ADGRL3: variants seen among roughly 807,000 people sequenced by gnomAD.
The protein encoded by ADGRL3 is calcium-independent alpha-latrotoxin receptor 3.
Under a neutral mutation model 153.5 loss-of-function variants are expected in ADGRL3, and 62 were observed. The observed-to-expected ratio is 0.40, with a 90% CI of 0.33 to 0.50. The LOEUF is 0.50. Among genes scored for constraint, ADGRL3 ranks in the 20% least tolerant of loss-of-function variants. The pLI is 0.47. For missense variants in ADGRL3, 1,641 were observed against 1,859.4 expected (o/e 0.88, Z 2.16); for synonymous variants, 710 against 672.5 (o/e 1.06, Z -0.86).
At chr4:61,464,100 A>G (rs1308491445) in intron 2 of ADGRL3, among the ~76,000 whole-genome samples, 1 of 152,188 alleles carries the variant, frequency 6.6e-6, no homozygotes, top group African/African-American at 2.4e-5. Flanking sequence ...ATAAAACTTT[A>G]TTTACAAAAA....
chr4:61,974,595 G>T (rs557399810), intron 17 of ADGRL3, among the ~76,000 whole-genome samples: 6 of 152,184 alleles, frequency 3.9e-5, no homozygotes, highest in Admixed American at 1.3e-4. Context: ...ATATCCTGAA[G>T]CCTCAGTTAT....
chr4:61,969,316 T>C (rs941275979), intron 17 of ADGRL3, among the ~76,000 whole-genome samples: 6 of 150,190 alleles, frequency 4.0e-5, no homozygotes, highest in African/African-American at 1.5e-4. Flanking sequence ...AGATAAAAAA[T>C]GGTTTTGATT....
chr4:61,287,243 G>C (rs371186073), intron 1 of ADGRL3, among the ~76,000 whole-genome samples: 1 of 151,746 alleles, frequency 6.6e-6, no homozygotes, highest in Non-Finnish European at 1.5e-5. Context: ...AATACTTTAG[G>C]ATTTTAGTAA....
At chr4:61,372,205 C>T (rs908924700) in intron 1 of ADGRL3, among the ~76,000 whole-genome samples, 5 of 152,100 alleles carry the variant, frequency 3.3e-5, no homozygotes, top group African/African-American at 9.7e-5. Flanking sequence ...GTAATTTGAT[C>T]GTCTGAAGCC....
At chr4:61,833,665 G>A (rs190962349) in intron 9 of ADGRL3, among the ~76,000 whole-genome samples, 156 of 152,276 alleles carry the variant, frequency 1.0e-3, no homozygotes, top group African/African-American at 3.5e-3. Context: ...GAGCAGGTTA[G>A]GGAGGGTCAG....
intron 6 of ADGRL3, among the ~76,000 whole-genome samples, chr4:61,715,655 G>C (rs1431711159): frequency 6.6e-6 from 1 of 152,028 alleles, no homozygotes; most frequent in Non-Finnish European, 1.5e-5. Flanking sequence ...TTTTGCACTT[G>C]TGGTAGTTAA....
intron 1 of ADGRL3, among the ~76,000 whole-genome samples, chr4:61,379,895 C>T (rs568891231): frequency 8.9e-4 from 135 of 151,894 alleles, no homozygotes; most frequent in African/African-American, 3.1e-3. Context: ...CGGTAAGAAA[C>T]AAAGGCAGTA....
At chr4:61,528,296 A>G (rs1014086839) in intron 4 of ADGRL3, among the ~76,000 whole-genome samples, 14 of 151,928 alleles carry the variant, frequency 9.2e-5, no homozygotes, top group African/African-American at 3.4e-4. Flanking sequence ...ATTCTGTTCT[A>G]TGTTCTCTGT....
intron 8 of ADGRL3, among the ~76,000 whole-genome samples, chr4:61,753,982 T>C (rs2096789024): frequency 6.6e-6 from 1 of 152,170 alleles, no homozygotes; most frequent in Non-Finnish European, 1.5e-5. Flanking sequence ...TGAAATCCAC[T>C]CTTCCCAAGA....
rs375994844 is a variant in ADGRL3 at position 61,583,743 on chromosome 4, A to G, written c.260-3484A>G. 170 of 518,306 alleles carry G rather than the reference A, an allele frequency of 3.3e-4. 2 individuals are homozygous for G. The highest frequency in any genetic ancestry group is 3.0e-3 in the African/African-American group (154 of 52,054). The allele number at this position is 518,306 out of a possible 1,614,324, so 32.1% of individuals were successfully genotyped here. ...TCCTAGCAGAAGGTTTCCAGATTTC[A>G]CATCTAAAACTTTTCCAATTTATTC... On this transcript the variant is annotated intron_variant, in intron 4 of 26. Transcript: ENST00000683033.
intron 17 of ADGRL3, among the ~76,000 whole-genome samples, chr4:61,959,194 G>A (rs1352074941): frequency 6.6e-6 from 1 of 152,066 alleles, no homozygotes; most frequent in African/African-American, 2.4e-5. Flanking sequence ...TTTGTGGAGG[G>A]AATATTTTAA....
At chr4:62,062,841 A>G (rs951871263) in intron 25 of ADGRL3, among the ~76,000 whole-genome samples, 1 of 152,110 alleles carries the variant, frequency 6.6e-6, no homozygotes, top group African/African-American at 2.4e-5. Context: ...AAAATATTTA[A>G]AAATAGCATC....
intron 2 of ADGRL3, among the ~76,000 whole-genome samples, chr4:61,435,822 T>C (rs1299967175): frequency 3.3e-5 from 5 of 150,460 alleles, no homozygotes; most frequent in Non-Finnish European, 7.4e-5. Context: ...ACACCATTAT[T>C]TGGTTATTTG....
chr4:61,699,967 C>CAA (rs1186052913), intron 6 of ADGRL3, among the ~76,000 whole-genome samples: 5 of 149,944 alleles, frequency 3.3e-5, no homozygotes, highest in African/African-American at 9.8e-5. Context: ...CACACACACA[C>CAA]AAAAACACAC....
At position 62,041,950 on chromosome 4, in the gene ADGRL3, A is replaced by G. The variant is rs185541308; in HGVS notation, c.3718-2503A>G. Among the ~76,000 whole-genome samples, 22 of 152,226 alleles carry G rather than the reference A, an allele frequency of 1.4e-4. No homozygotes were observed. The East Asian group carries it at 4.2e-3, about 29-fold the overall frequency. On this transcript the variant is annotated intron_variant, in intron 24 of 26. Transcript: ENST00000683033. ...TGCTGGTTATAAGGTCTGTGCCATC[A>G]GACATGTTCATTAACCACTGTGCTT...
chr4:61,870,586 G>T (rs2098437842), intron 9 of ADGRL3, among the ~76,000 whole-genome samples: 1 of 146,910 alleles, frequency 6.8e-6, no homozygotes, highest in Non-Finnish European at 1.5e-5. Flanking sequence ...AATATATAAA[G>T]AATCCTTACA....
chr4:61,677,562 A>C (rs2150920803), intron 6 of ADGRL3, among the ~76,000 whole-genome samples: 1 of 152,040 alleles, frequency 6.6e-6, no homozygotes, highest in South Asian at 2.1e-4. Flanking sequence ...AAAATGAAAC[A>C]TTTTCTGACT....
chr4:61,684,148 A>C (rs1057111977), intron 6 of ADGRL3, among the ~76,000 whole-genome samples: 1 of 152,198 alleles, frequency 6.6e-6, no homozygotes, highest in African/African-American at 2.4e-5. Context: ...TTTCTCTGGA[A>C]TCTAGTACCA....
intron 1 of ADGRL3, among the ~76,000 whole-genome samples, chr4:61,354,001 T>G (rs1182513389): frequency 1.3e-5 from 2 of 152,182 alleles, no homozygotes; most frequent in East Asian, 3.8e-4. Flanking sequence ...TGCTTTGTAT[T>G]TATTTCTCTT....
Sources: gnomAD v4.1 joint callset for allele counts (sites outside exome capture counted in the v4.1 genomes callset) on GRCh38, gnomAD v4.1.1 for gene constraint, MANE v1.5 for transcripts, NCBI Gene and HGNC (gene_info 2026-07-23, HGNC 2026-07-21) for gene names.